SLC9B1: variants seen among roughly 807,000 people sequenced by gnomAD.
SLC9B1 encodes sodium/hydrogen exchanger 9B1.
In SLC9B1, 32 loss-of-function variants were observed where a neutral mutation model predicts 51.7. The observed-to-expected ratio is 0.62, with a 90% confidence interval of 0.47 to 0.83. The LOEUF is 0.83. Ranked by LOEUF, SLC9B1 falls within the 40% of genes least tolerant of loss-of-function variation. SLC9B1 has a pLI of 0.00. For synonymous variants in SLC9B1, 145 were observed against 212.7 expected (o/e 0.68, Z 2.77); for missense variants, 406 against 613.2 (o/e 0.66, Z 3.57).
intron 1 of SLC9B1, among the ~76,000 whole-genome samples, chr4:103,001,832 T>C (rs967246074): frequency 1.3e-5 from 2 of 152,204 alleles, no homozygotes; most frequent in Non-Finnish European, 2.9e-5. Context: ...TTAGTCCCAT[T>C]TTCACACTGC....
chr4:102,964,467 T>A (rs1738317482), intron 3 of SLC9B1, among the ~76,000 whole-genome samples: 1 of 152,182 alleles, frequency 6.6e-6, no homozygotes, highest in Admixed American at 6.5e-5. Context: ...ATTACCCTGA[T>A]ATCAAAACAA....
At chr4:102,963,711 T>G (rs1173879797) in intron 3 of SLC9B1, among the ~76,000 whole-genome samples, 1 of 152,218 alleles carries the variant, frequency 6.6e-6, no homozygotes, top group East Asian at 1.9e-4. Context: ...AATGCAGTGG[T>G]ATAAATCCTT....
chr4:102,989,318 C>T (rs1739824100), intron 3 of SLC9B1, among the ~76,000 whole-genome samples: 1 of 151,874 alleles, frequency 6.6e-6, no homozygotes. Context: ...AAAACATACA[C>T]AAGAAAATCT....
chr4:102,891,013 A>C (rs534675590), intron 11 of SLC9B1: 2 of 151,178 alleles, frequency 1.3e-5, no homozygotes, highest in South Asian at 4.1e-4. Flanking sequence ...TGGGAAAAGC[A>C]GATAATTTAG....
intron 6 of SLC9B1, among the ~76,000 whole-genome samples, chr4:102,932,816 G>A (rs1365925601): frequency 1.2e-4 from 19 of 152,212 alleles, no homozygotes; most frequent in Non-Finnish European, 1.5e-4. Flanking sequence ...ATTATTTGGA[G>A]TACCACTGTA....
chr4:102,962,507 G>A, intron 3 of SLC9B1: 1 of 479,974 alleles, frequency 2.1e-6, no homozygotes, highest in Non-Finnish European at 4.3e-6. Context: ...ATTCTACATT[G>A]CAGTTCAGGA....
At chr4:102,956,125 G>C (rs766468766) in intron 3 of SLC9B1, among the ~76,000 whole-genome samples, 10 of 152,144 alleles carry the variant, frequency 6.6e-5, no homozygotes, top group Non-Finnish European at 1.0e-4. Flanking sequence ...GGTCCTGGTA[G>C]ACGACATTGC....
chr4:103,017,699 T>TTA (rs1741453749), intron 1 of SLC9B1, among the ~76,000 whole-genome samples: 1 of 97,686 alleles, frequency 1.0e-5, no homozygotes, highest in African/African-American at 6.3e-5. Flanking sequence ...AGGAAGACCT[T>TTA]TACAGTTTTA....
chr4:102,921,511 C>CT (rs1735876477), intron 7 of SLC9B1, among the ~76,000 whole-genome samples: 1 of 151,974 alleles, frequency 6.6e-6, no homozygotes, highest in Non-Finnish European at 1.5e-5. Flanking sequence ...AATTAACGGG[C>CT]AAATAACCAG....
intron 3 of SLC9B1, among the ~76,000 whole-genome samples, chr4:102,965,549 C>T (rs1738377771): frequency 6.6e-6 from 1 of 152,146 alleles, no homozygotes; most frequent in South Asian, 2.1e-4. Context: ...AAGCATCTCC[C>T]ATTAGGCCCT....
At chr4:102,886,280 G>A (rs112809686) in intron 11 of SLC9B1, among the ~76,000 whole-genome samples, 1 of 151,946 alleles carries the variant, frequency 6.6e-6, no homozygotes, top group African/African-American at 2.4e-5. Context: ...CCAGGTCAGG[G>A]GTTCAAGAAC....
At chr4:102,973,934 A>G (rs1738892485) in intron 3 of SLC9B1, among the ~76,000 whole-genome samples, 1 of 152,140 alleles carries the variant, frequency 6.6e-6, no homozygotes, top group Admixed American at 6.5e-5. Context: ...CACCTTCGGA[A>G]GTTTGGAAAG....
At chr4:102,944,574 A>G (rs927292191) in intron 6 of SLC9B1, among the ~76,000 whole-genome samples, 1 of 152,270 alleles carries the variant, frequency 6.6e-6, no homozygotes, top group Non-Finnish European at 1.5e-5. Flanking sequence ...TAACTATGTA[A>G]TGGATGAACT....
At chr4:102,938,550 C>T (rs1393346917) in intron 6 of SLC9B1, among the ~76,000 whole-genome samples, 3 of 152,128 alleles carry the variant, frequency 2.0e-5, no homozygotes, top group Admixed American at 2.0e-4. Flanking sequence ...GAACACTCCA[C>T]CCAACAACAA....
At chr4:102,944,083 C>T (rs1316523893) in intron 6 of SLC9B1, among the ~76,000 whole-genome samples, 2 of 151,956 alleles carry the variant, frequency 1.3e-5, no homozygotes. Context: ...TTTGGAGCAA[C>T]GTGGATGGAG....
At chr4:102,923,485 C>G (rs1403649256) in intron 7 of SLC9B1, among the ~76,000 whole-genome samples, 2 of 152,164 alleles carry the variant, frequency 1.3e-5, no homozygotes, top group Admixed American at 1.3e-4. Context: ...TGGAAGCATT[C>G]CCTTTGAAAA....
At chr4:103,013,730 A>G (rs958327948) in intron 1 of SLC9B1, among the ~76,000 whole-genome samples, 1 of 152,242 alleles carries the variant, frequency 6.6e-6, no homozygotes, top group African/African-American at 2.4e-5. Flanking sequence ...TGAAGCCACC[A>G]TCGACCTAGT....
At chr4:102,951,943 A>G (rs1374907698) in intron 3 of SLC9B1, among the ~76,000 whole-genome samples, 6 of 82,364 alleles carry the variant, frequency 7.3e-5, no homozygotes, top group African/African-American at 3.6e-4. Flanking sequence ...ATAGACTACC[A>G]AAGGCAAAAA....
chr4:102,955,394 G>C (rs1283062812), intron 3 of SLC9B1, among the ~76,000 whole-genome samples: 1 of 152,124 alleles, frequency 6.6e-6, no homozygotes, highest in Non-Finnish European at 1.5e-5. Context: ...TTTATCAGCA[G>C]AATGAAAACG....
Sources: allele counts gnomAD v4.1 joint callset (sites outside exome capture counted in the v4.1 genomes callset), GRCh38; gene constraint gnomAD v4.1.1; transcripts MANE v1.5; gene names NCBI Gene and HGNC (gene_info 2026-07-23, HGNC 2026-07-21).